Variants in UQCRB observed in about 807,000 individuals in gnomAD.
The protein encoded by UQCRB is cytochrome b-c1 complex subunit 7.
In UQCRB, 12 loss-of-function variants were observed where a neutral mutation model predicts 19.8. The observed-to-expected ratio is 0.61, with a 90% CI of 0.39 to 0.98. The LOEUF is 0.98. Among genes scored for constraint, UQCRB ranks in the 50% least tolerant of loss-of-function variants. The pLI, the probability that UQCRB is intolerant of heterozygous loss-of-function variation, is 0.00. For synonymous variants in UQCRB, 39 were observed against 42.9 expected (o/e 0.91, Z 0.35); for missense variants, 142 against 131.8 (o/e 1.08, Z -0.38).
rs1563537090 is a variant in UQCRB at position 96,230,807 on chromosome 8, T to C, written c.*248A>G. The C allele has an allele frequency of 1.6e-6, 1 of 632,352 alleles. No individual in the cohort carries two copies. The highest frequency in any genetic ancestry group is 3.0e-6 in the Non-Finnish European group (1 of 336,794). The allele number at this position is 632,352 out of a possible 1,614,324, so 39.2% of individuals were successfully genotyped here. A position where few individuals can be genotyped will look rare whatever the true frequency, so the allele number is the denominator to read the frequency against. ...CTATCCAACCAGTGAGGAAAACTGA[T>C]AAAGTGGCTTCTGAGCTCCAAGTAG... On this transcript the variant is annotated 3_prime_UTR_variant, in exon 4 of 4. Coordinates refer to ENST00000287022, the MANE Select transcript of UQCRB (RefSeq NM_006294.5).
chr8:96,231,233 T>A, intron 3 of UQCRB, 101 bp from the exon 4 acceptor site: 4 of 1,609,066 alleles, frequency 2.5e-6, no homozygotes, highest in Non-Finnish European at 3.4e-6. Context: ...TACTTTTGAA[T>A]TTCCAATTTT....
rs1190613322 is a variant in UQCRB, at chr8:96,227,340, G to A, written c.*3715C>T. The stretch of plus-strand genomic sequence containing the variant: ...AAATGAAGGAGGGGAGGGAGTTGGT[G>A]GGGCGCAGAATGGAGAAATCTTCCA... On this transcript the variant is annotated 3_prime_UTR_variant, in exon 4 of 4. Coordinates refer to ENST00000287022, the MANE Select transcript of UQCRB (RefSeq NM_006294.5). 1 of 454,106 alleles carries A rather than the reference G, an allele frequency of 2.2e-6. No individual in the cohort carries two copies. The highest frequency in any genetic ancestry group is 4.4e-6 in the Non-Finnish European group (1 of 226,780). The allele number at this position is 454,106 out of a possible 1,614,324, so 28.1% of individuals were successfully genotyped here. A position where few individuals can be genotyped will look rare whatever the true frequency, so the allele number is the denominator to read the frequency against.
Position 96,226,580 on chromosome 8 carries a change from CTTTT to C in UQCRB, c.*4471_*4474del, listed in dbSNP as rs1351844985. 4.3e-6 allele frequency: 1 copy of C among 231,416 alleles called. No individual in the cohort carries two copies. The highest frequency in any genetic ancestry group is 8.6e-6 in the Non-Finnish European group (1 of 115,910). 14.3% of individuals were successfully genotyped at this position (231,416 alleles called of 1,614,324 possible). A position where few individuals can be genotyped will look rare whatever the true frequency, so the allele number is the denominator to read the frequency against. ...ACTCCTTTGTAAAACAAATAATTATCTTTTTTTGGTTTGGCTTGTGAATACAATT... is the reference window on the plus strand; with the variant it reads ...ACTCCTTTGTAAAACAAATAATTATCTTTGGTTTGGCTTGTGAATACAATT... On this transcript the variant is annotated 3_prime_UTR_variant, in exon 4 of 4. Transcript: ENST00000287022.
rs1197109593 is a variant in UQCRB, at chr8:96,226,635, T to C, written c.*4420A>G. The C allele has an allele frequency of 3.5e-6, 1 of 286,754 alleles. No homozygotes were observed. Among genetic ancestry groups the C allele is most frequent in the South Asian group, 3.3e-5 (1 of 30,628 alleles). 17.8% of individuals were successfully genotyped at this position (286,754 alleles called of 1,614,324 possible). On this transcript the variant is annotated 3_prime_UTR_variant, in exon 4 of 4. Coordinates refer to ENST00000287022, the MANE Select transcript of UQCRB (RefSeq NM_006294.5). ...GTCACAGATATGTATACAATTTTCTTAAAATATTTAGAATACTAACAGAAC... is the reference window on the plus strand; with the variant it reads ...GTCACAGATATGTATACAATTTTCTCAAAATATTTAGAATACTAACAGAAC...
intron 3 of UQCRB, chr8:96,231,370 T>C (rs1187201267): frequency 6.5e-7 from 1 of 1,541,696 alleles, no homozygotes; most frequent in South Asian, 1.2e-5. Flanking sequence ...GAAATGAATG[T>C]CCACAGGCCT....
intron 3 of UQCRB, chr8:96,231,334 G>C: frequency 6.5e-7 from 1 of 1,548,712 alleles, no homozygotes; most frequent in Non-Finnish European, 8.7e-7. Context: ...TAGGTTATGA[G>C]GGGGAAGTCT....
chr8:96,228,359 A>G lies in UQCRB; in HGVS notation c.*2696T>C, dbSNP rs1257395695. On this transcript the variant is annotated 3_prime_UTR_variant, in exon 4 of 4. Coordinates refer to ENST00000287022, the MANE Select transcript of UQCRB (RefSeq NM_006294.5). ...CCCATCCAAAACACAAAACAGGGAGATAGCCAAGTCTTAGCTCCATCCTAA... is the reference window on the plus strand; with the variant it reads ...CCCATCCAAAACACAAAACAGGGAGGTAGCCAAGTCTTAGCTCCATCCTAA... 1 of 454,128 alleles carries G rather than the reference A, an allele frequency of 2.2e-6. No homozygotes were observed. Among genetic ancestry groups the G allele is most frequent in the South Asian group, 1.6e-5 (1 of 64,480 alleles). 28.1% of individuals were successfully genotyped at this position (454,128 alleles called of 1,614,324 possible).
At chr8:96,231,527 CA>C in intron 3 of UQCRB, 14 of 1,514,434 alleles carry the variant, frequency 9.2e-6, no homozygotes, top group Non-Finnish European at 1.2e-5. Flanking sequence ...TGGGAGGCAA[CA>C]GACCTGGATT....
intron 3 of UQCRB, 41 bp downstream of exon 3, chr8:96,231,733 C>T: frequency 6.2e-7 from 1 of 1,613,238 alleles, no homozygotes; most frequent in Non-Finnish European, 8.5e-7. Context: ...AAAACTCCAT[C>T]CTTAATGAGC....
In UQCRB at chr8:96,229,571, T is replaced by A; in HGVS notation, c.*1484A>T. On this transcript the variant is annotated 3_prime_UTR_variant, in exon 4 of 4. Coordinates refer to ENST00000287022, the MANE Select transcript of UQCRB (RefSeq NM_006294.5). ...GATCTACTCAGGAAAATTTTCTGAA[T>A]AGACAAATGCTTTTAAAGGGGGTTC... is the stretch of plus-strand genomic sequence containing the variant. The A allele has an allele frequency of 2.2e-6, 1 of 454,120 alleles. No individual in the cohort carries two copies. Among genetic ancestry groups the A allele is most frequent in the Non-Finnish European group, 4.4e-6 (1 of 226,792 alleles). 28.1% of individuals were successfully genotyped at this position (454,120 alleles called of 1,614,324 possible). A position where few individuals can be genotyped will look rare whatever the true frequency, so the allele number is the denominator to read the frequency against.
chr8:96,231,456 C>T (rs1271650448), intron 3 of UQCRB: 15 of 1,535,416 alleles, frequency 9.8e-6, no homozygotes, highest in Non-Finnish European at 1.3e-5. Flanking sequence ...GAGGGACACT[C>T]AATGGGCTGA....
intron 2 of UQCRB, 53 bp downstream of exon 2, chr8:96,233,103 A>C: frequency 6.4e-7 from 1 of 1,574,140 alleles, no homozygotes; most frequent in South Asian, 1.1e-5. Flanking sequence ...ACAAAAAAAA[A>C]AACAAAGAAA....
intron 1 of UQCRB, 119 bp from the exon 2 acceptor site, chr8:96,233,346 C>T (rs1809721030): frequency 1.1e-6 from 1 of 948,270 alleles, no homozygotes; most frequent in Non-Finnish European, 1.7e-6. Flanking sequence ...AATAAATTTC[C>T]TTTTAAAAGT....
At chr8:96,232,881 G>C (rs1809708741) in intron 2 of UQCRB, 1 of 325,908 alleles carries the variant, frequency 3.1e-6, no homozygotes, top group South Asian at 5.1e-5. Flanking sequence ...GAAGAGTTGG[G>C]AAAGGGGGTG....
At position 96,227,715 on chromosome 8, in the gene UQCRB, T is replaced by C. The variant is rs1809557031; in HGVS notation, c.*3340A>G. 2.2e-6 allele frequency: 1 copy of C among 453,810 alleles called. No individual in the cohort carries two copies. Among genetic ancestry groups the C allele is most frequent in the Non-Finnish European group, 4.4e-6 (1 of 226,628 alleles). The allele number at this position is 453,810 out of a possible 1,614,324, so 28.1% of individuals were successfully genotyped here. Reference sequence around the variant, plus strand: ...ATCCTATTTGTGAAGGATTATTACTTTGGGCTTTGGCCCAGTTTTTATTCT... The same window carrying C: ...ATCCTATTTGTGAAGGATTATTACTCTGGGCTTTGGCCCAGTTTTTATTCT... On this transcript the variant is annotated 3_prime_UTR_variant, in exon 4 of 4. Coordinates refer to ENST00000287022, the MANE Select transcript of UQCRB (RefSeq NM_006294.5).
chr8:96,231,756 TAG>T lies in UQCRB; in HGVS notation c.258+16_258+17del. 2 of 1,614,164 alleles carry T rather than the reference TAG, an allele frequency of 1.2e-6. No homozygotes were observed. The highest frequency in any genetic ancestry group is 1.7e-6 in the Non-Finnish European group (2 of 1,179,990). On this transcript the variant is annotated intron_variant, in intron 3 of 3. Transcript: ENST00000287022. ...ATCCTTAATGAGCAACACTGTCAGGTAGATAAAGCTGTGCTACCTCTTCATAT... is the reference window on the plus strand; with the variant it reads ...ATCCTTAATGAGCAACACTGTCAGGTATAAAGCTGTGCTACCTCTTCATAT...
Position 96,231,775 on chromosome 8 carries a change from T to C in UQCRB, c.257A>G (p.Glu86Gly). The C allele has an allele frequency of 6.2e-7, 1 of 1,614,200 alleles. No homozygotes were observed. The highest frequency in any genetic ancestry group is 8.5e-7 in the Non-Finnish European group (1 of 1,180,026). Residue 86 changes from glutamate (E) to glycine (G), a missense_variant and splice_region_variant, in exon 3 of 4, where the codon GAG becomes GGG. By Grantham distance (98) the Glu-to-Gly change is moderately conservative. Transcript: ENST00000287022. ...GTCAGGTAGATAAAGCTGTGCTACCTCTTCATATTTGGTCCACTGCTCTTT... is the reference window on the plus strand; with the variant it reads ...GTCAGGTAGATAAAGCTGTGCTACCCCTTCATATTTGGTCCACTGCTCTTT... Reference protein sequence around the residue: ...LPKEQWTKYEEENFYLEPYLK... With the variant: ...LPKEQWTKYEGENFYLEPYLK...
chr8:96,234,689 G>A, intron 1 of UQCRB: 1 of 400,660 alleles, frequency 2.5e-6, no homozygotes, highest in Non-Finnish European at 4.8e-6. Flanking sequence ...CATTTTTTAA[G>A]CTACTCCAAC....
intron 3 of UQCRB, 157 bp from the exon 4 acceptor site, chr8:96,231,289 CA>C (rs902261148): frequency 1.3e-6 from 2 of 1,558,184 alleles, no homozygotes; most frequent in African/African-American, 2.7e-5. Flanking sequence ...TTTAAAATGT[CA>C]AATCTGTGGT....
Sources: gnomAD v4.1 joint callset for allele counts on GRCh38, gnomAD v4.1.1 for gene constraint, MANE v1.5 for transcripts, NCBI Gene and HGNC (gene_info 2026-07-23, HGNC 2026-07-21) for gene names.